The following EML6 variants were observed in gnomAD, a reference collection of about 807,000 sequenced individuals.
EML6 encodes the protein EMAP like 6.
EML6 carries 154 observed loss-of-function variants against 240.1 expected under a neutral mutation model. The observed-to-expected ratio is 0.64, with a 90% CI of 0.56 to 0.73. EML6 has a LOEUF of 0.73. Ranked by LOEUF, EML6 falls within the 30% of genes least tolerant of loss-of-function variation. The probability of loss-of-function intolerance (pLI) is 0.00; values close to 1 mark genes in which losing one functional copy is unlikely to be tolerated. For synonymous variants in EML6, 1,148 were observed against 899.0 expected (o/e 1.28, Z -4.95); for missense variants, 2,964 against 2,474.6 (o/e 1.20, Z -4.20).
chr2:54,840,900 G>C (rs560945187), intron 7 of EML6, among the ~76,000 whole-genome samples: 1 of 152,218 alleles, frequency 6.6e-6, no homozygotes, highest in Non-Finnish European at 1.5e-5. Flanking sequence ...CCTTCCTGAT[G>C]ATGCTGAAGA....
chr2:54,776,995 T>C (rs1668631707), intron 2 of EML6, among the ~76,000 whole-genome samples: 2 of 152,220 alleles, frequency 1.3e-5, no homozygotes. Flanking sequence ...TGAGTCTACT[T>C]TGTTGTTATT....
intron 15 of EML6, among the ~76,000 whole-genome samples, 152 bp from the exon 16 acceptor site, chr2:54,871,348 A>G (rs1671246317): frequency 6.6e-6 from 1 of 152,228 alleles, no homozygotes; most frequent in Admixed American, 6.5e-5. Flanking sequence ...CCTCATCTCA[A>G]AAATAACTGA....
At position 54,849,949 on chromosome 2, in the gene EML6, T is replaced by G; in HGVS notation, c.1188-13T>G. The G allele has an allele frequency of 1.3e-6, 2 of 1,544,212 alleles. No individual in the cohort carries two copies. Among genetic ancestry groups the G allele is most frequent in the South Asian group, 2.4e-5 (2 of 83,346 alleles). ...AGAATTGCTGCTTATCGTTTTGCTT[T>G]TTATTCTTACAGAGATATGACAGAA... On this transcript the variant is annotated splice_polypyrimidine_tract_variant and intron_variant, in intron 9 of 41. Transcript: ENST00000356458.
At chr2:54,787,882 T>C (rs1358754965) in intron 2 of EML6, among the ~76,000 whole-genome samples, 1 of 152,188 alleles carries the variant, frequency 6.6e-6, no homozygotes, top group Non-Finnish European at 1.5e-5. Flanking sequence ...CCTAAGTTAT[T>C]TGAAACCCGG....
intron 2 of EML6, among the ~76,000 whole-genome samples, chr2:54,800,199 C>A (rs1019517893): frequency 6.6e-6 from 1 of 151,106 alleles, no homozygotes; most frequent in Non-Finnish European, 1.5e-5. Flanking sequence ...GAGCCGAGAT[C>A]ACACTACTGC....
At chr2:54,867,743 G>A (rs918208644) in intron 14 of EML6, 1 of 152,048 alleles carries the variant, frequency 6.6e-6, no homozygotes, top group African/African-American at 2.4e-5. Flanking sequence ...GTGAGGCCCT[G>A]TCCCAAAAGG....
chr2:54,738,758 T>C (rs1683507675), intron 2 of EML6, among the ~76,000 whole-genome samples: 2 of 152,236 alleles, frequency 1.3e-5, no homozygotes, highest in South Asian at 4.1e-4. Flanking sequence ...GTATTTTTTG[T>C]TGTGTGGAAA....
At chr2:54,904,747 G>T (rs1256664379) in intron 24 of EML6, among the ~76,000 whole-genome samples, 1 of 152,150 alleles carries the variant, frequency 6.6e-6, no homozygotes, top group African/African-American at 2.4e-5. Flanking sequence ...ATCTAGCGTG[G>T]GGCATTCCCT....
Position 54,827,671 on chromosome 2 carries a change from A to G in EML6, c.631A>G (p.Thr211Ala). 9 of 1,551,686 alleles carry G rather than the reference A, an allele frequency of 5.8e-6. No individual in the cohort carries two copies. The highest frequency in any genetic ancestry group is 7.8e-6 in the Non-Finnish European group (9 of 1,146,934). Residue 211 changes from threonine to alanine, a missense_variant, in exon 6 of 42, where the codon ACC becomes GCC. Coordinates refer to ENST00000356458, the MANE Select transcript of EML6 (RefSeq NM_001039753.4). ...CCTTGCATGTGCCAAAGAAGACATC[A>G]CCTACTCTGGTGCTTTAAATGGTGA... ...LCLACAKEDITYSGALNGDIY... is the reference protein window; with the variant it reads ...LCLACAKEDIAYSGALNGDIY...
intron 2 of EML6, among the ~76,000 whole-genome samples, chr2:54,776,636 A>C (rs1173971378): frequency 2.0e-5 from 3 of 151,862 alleles, no homozygotes; most frequent in African/African-American, 7.3e-5. Flanking sequence ...AGAAGCCCCA[A>C]CTCCAGCATT....
intron 2 of EML6, among the ~76,000 whole-genome samples, chr2:54,731,876 C>T (rs1683187807): frequency 6.6e-6 from 1 of 151,912 alleles, no homozygotes; most frequent in African/African-American, 2.4e-5. Flanking sequence ...TTTTGAAGCA[C>T]TGTGAAATTG....
intron 12 of EML6, among the ~76,000 whole-genome samples, chr2:54,862,477 G>A (rs1008958325): frequency 2.6e-5 from 4 of 151,344 alleles, no homozygotes; most frequent in Non-Finnish European, 4.4e-5. Flanking sequence ...AGATTACTGG[G>A]AACCATCCAA....
chr2:54,903,989 A>C (rs1343665913), intron 24 of EML6, among the ~76,000 whole-genome samples: 1 of 151,592 alleles, frequency 6.6e-6, no homozygotes, highest in Non-Finnish European at 1.5e-5. Context: ...CTCCCAACCT[A>C]CTCCTACCTC....
intron 5 of EML6, among the ~76,000 whole-genome samples, chr2:54,825,107 A>G (rs748601984): frequency 6.6e-6 from 1 of 152,132 alleles, no homozygotes; most frequent in Non-Finnish European, 1.5e-5. Context: ...AATGGGTTCT[A>G]TTTTTTGTGA....
In EML6 at chr2:54,869,377, T is replaced by G. The variant is rs1192235708; in HGVS notation, c.2238+10T>G. 1 of 1,527,972 alleles carries G rather than the reference T, an allele frequency of 6.5e-7. No individual in the cohort carries two copies. Among genetic ancestry groups the G allele is most frequent in the Non-Finnish European group, 8.8e-7 (1 of 1,130,738 alleles). The allele number at this position is 1,527,972 out of a possible 1,614,324, so 94.7% of individuals were successfully genotyped here. ...TGTGGCTACTGGGCAGGTATCTATC[T>G]CCTGTAAACTAGGGCCTAGCCAAAA... On this transcript the variant is annotated intron_variant, in intron 15 of 41. Transcript: ENST00000356458.
intron 22 of EML6, among the ~76,000 whole-genome samples, chr2:54,901,030 GAAGA>G (rs946210862): frequency 9.2e-5 from 14 of 152,178 alleles, no homozygotes; most frequent in Non-Finnish European, 4.4e-5. Context: ...GTAATAAAAT[GAAGA>G]AAGGTGTCAA....
intron 21 of EML6, among the ~76,000 whole-genome samples, chr2:54,897,452 T>A (rs1364916120): frequency 3.3e-5 from 5 of 152,238 alleles, no homozygotes; most frequent in Admixed American, 6.5e-5. Context: ...TACATTGTTT[T>A]ATAGATGAGG....
intron 31 of EML6, among the ~76,000 whole-genome samples, chr2:54,953,079 G>A (rs914201026): frequency 2.6e-5 from 4 of 152,178 alleles, no homozygotes; most frequent in African/African-American, 9.7e-5. Context: ...GGTGACAAAT[G>A]TGAACTGATT....
rs78090035 is a variant in EML6 at position 54,832,830 on chromosome 2, C to T, written c.847+3353C>T. ...TTGCCTCAAACAAACCAAGTATATT[C>T]GAAAGGAACAGATTCAGGCAGAGCA... On this transcript the variant is annotated intron_variant, in intron 7 of 41. Coordinates refer to ENST00000356458, the MANE Select transcript of EML6 (RefSeq NM_001039753.4). Among the ~76,000 whole-genome samples, 895 of 151,320 alleles carry T rather than the reference C, an allele frequency of 5.9e-3. 8 individuals are homozygous for T. Among genetic ancestry groups the T allele is most frequent in the African/African-American group, 0.018 (728 of 41,412 alleles).
Sources: gnomAD v4.1 joint callset for allele counts (sites outside exome capture counted in the v4.1 genomes callset) on GRCh38, gnomAD v4.1.1 for gene constraint, MANE v1.5 for transcripts, NCBI Gene and HGNC (gene_info 2026-07-23, HGNC 2026-07-21) for gene names.